The following NBEA variants were observed in gnomAD, a reference collection of about 807,000 sequenced individuals.
NBEA encodes the protein lysosomal-trafficking regulator 2.
A neutral mutation model predicts 343.4 loss-of-function variants in NBEA; 44 were observed. The ratio of observed to expected loss-of-function variants is 0.13; its 90% CI spans 0.10 to 0.16. The LOEUF (loss-of-function observed/expected upper bound fraction) is 0.16. Among genes scored for constraint, NBEA ranks in the 10% least tolerant of loss-of-function variants. The probability of loss-of-function intolerance (pLI) is 1.00; values close to 1 mark genes in which losing one functional copy is unlikely to be tolerated. For synonymous variants in NBEA, 1,175 were observed against 1,238.7 expected (o/e 0.95, Z 1.08); for missense variants, 2,555 against 3,631.3 (o/e 0.70, Z 7.62).
intron 41 of NBEA, among the ~76,000 whole-genome samples, chr13:35,525,819 C>A (rs908742637): frequency 6.6e-6 from 1 of 152,142 alleles, no homozygotes; most frequent in Non-Finnish European, 1.5e-5. Flanking sequence ...CTGCCTTATA[C>A]ATGGTGCCTT....
In NBEA at chr13:35,272,872, C is replaced by A. The variant is rs148247312; in HGVS notation, c.5777-17517C>A. Among the ~76,000 whole-genome samples, 33 of 152,208 alleles carry A rather than the reference C, an allele frequency of 2.2e-4. No homozygotes were observed. In the East Asian group the frequency reaches 6.0e-3, roughly 28 times the overall value. On this transcript the variant is annotated intron_variant, in intron 34 of 58. Coordinates refer to ENST00000379939, the MANE Select transcript of NBEA (RefSeq NM_001385012.1). ...CATAAAACAAGTTCTTAGAGACCTG[C>A]AAAGAGACTTAGACTCCCACACAAT...
intron 51 of NBEA, among the ~76,000 whole-genome samples, chr13:35,647,857 G>A (rs902022097): frequency 5.9e-5 from 9 of 151,918 alleles, no homozygotes; most frequent in African/African-American, 1.2e-4. Flanking sequence ...GAGTCACCAC[G>A]CCCGACCTAA....
chr13:35,398,826 G>C (rs1488546994), intron 38 of NBEA, among the ~76,000 whole-genome samples: 1 of 151,960 alleles, frequency 6.6e-6, no homozygotes, highest in African/African-American at 2.4e-5. Flanking sequence ...GTTGTCAGCT[G>C]CATTAGCCCC....
intron 38 of NBEA, among the ~76,000 whole-genome samples, chr13:35,407,241 AG>A (rs1391472580): frequency 1.3e-5 from 2 of 151,968 alleles, no homozygotes; most frequent in African/African-American, 4.8e-5. Context: ...CTGGGATTAC[AG>A]GCATGAACCA....
chr13:35,441,979 TCACTAGC>T (rs1277658611), intron 39 of NBEA, among the ~76,000 whole-genome samples: 1 of 152,150 alleles, frequency 6.6e-6, no homozygotes, highest in Non-Finnish European at 1.5e-5. Flanking sequence ...ATTCTGCTGC[TCACTAGC>T]CATCTACCCG....
At chr13:35,651,543 C>A (rs1165398095) in intron 52 of NBEA, among the ~76,000 whole-genome samples, 2 of 152,072 alleles carry the variant, frequency 1.3e-5, no homozygotes, top group African/African-American at 4.8e-5. Context: ...ATGTTACAAT[C>A]TTCTATTTAT....
Position 35,155,647 on chromosome 13 carries a change from T to G in NBEA, c.2446-127T>G, listed in dbSNP as rs144721159. The G allele has an allele frequency of 2.1e-3, 1,456 of 678,816 alleles. 21 individuals are homozygous for G. The African/African-American group carries it at 0.023, about 11-fold the overall frequency. 42.0% of individuals were successfully genotyped at this position (678,816 alleles called of 1,614,324 possible). On this transcript the variant is annotated intron_variant, in intron 18 of 58. Coordinates refer to ENST00000379939, the MANE Select transcript of NBEA (RefSeq NM_001385012.1). ...GAAAGAAAGAAAGAAAAAAGTCCCT[T>G]TAGAAGAGATGTTTCTTTTGGTTTG...
At chr13:35,272,794 C>T (rs893987799) in intron 34 of NBEA, among the ~76,000 whole-genome samples, 29 of 151,664 alleles carry the variant, frequency 1.9e-4, no homozygotes, top group Admixed American at 1.2e-3. Context: ...ATCAATTCAA[C>T]AAGAGCTAAC....
intron 1 of NBEA, among the ~76,000 whole-genome samples, chr13:34,997,120 A>T (rs2060968579): frequency 6.6e-6 from 1 of 152,122 alleles, no homozygotes; most frequent in South Asian, 2.1e-4. Context: ...TTATACTGTT[A>T]TTTCTATTAA....
chr13:35,113,253 G>T (rs563691095), intron 13 of NBEA, among the ~76,000 whole-genome samples: 46 of 152,024 alleles, frequency 3.0e-4, no homozygotes, highest in Admixed American at 2.9e-3. Context: ...TATTGTATCT[G>T]TCTCCTTGTA....
chr13:35,204,297 T>C (rs1273389143), intron 31 of NBEA, among the ~76,000 whole-genome samples: 1 of 152,090 alleles, frequency 6.6e-6, no homozygotes, highest in East Asian at 1.9e-4. Context: ...GATAAAGACA[T>C]ACCGAAGCCT....
chr13:35,529,699 T>C (rs1006348593), intron 41 of NBEA, among the ~76,000 whole-genome samples: 27 of 152,204 alleles, frequency 1.8e-4, no homozygotes, highest in African/African-American at 6.5e-4. Context: ...TATTACAACC[T>C]TTCACTCTTT....
At chr13:35,241,881 G>A (rs187208561) in intron 34 of NBEA, among the ~76,000 whole-genome samples, 1 of 151,942 alleles carries the variant, frequency 6.6e-6, no homozygotes, top group East Asian at 1.9e-4. Flanking sequence ...TGAGGAAATT[G>A]CTCAGTTCCC....
chr13:35,452,388 A>G (rs1455332459), intron 40 of NBEA, among the ~76,000 whole-genome samples, 153 bp downstream of exon 40: 1 of 152,242 alleles, frequency 6.6e-6, no homozygotes, highest in Non-Finnish European at 1.5e-5. Flanking sequence ...CATTTCTAAT[A>G]TTGAAGAGAG....
chr13:35,276,002 AT>A (rs2034557163), intron 34 of NBEA, among the ~76,000 whole-genome samples: 1 of 152,032 alleles, frequency 6.6e-6, no homozygotes, highest in South Asian at 2.1e-4. Flanking sequence ...AAGTATAATA[AT>A]TTAAAAAAAG....
At chr13:35,141,072 TTAAA>T (rs1191520233) in intron 17 of NBEA, among the ~76,000 whole-genome samples, 2 of 152,076 alleles carry the variant, frequency 1.3e-5, no homozygotes, top group African/African-American at 2.4e-5. Flanking sequence ...TAGAACTCAG[TTAAA>T]TAGTCACACT....
chr13:35,533,641 TAC>T (rs1366043361), intron 41 of NBEA, among the ~76,000 whole-genome samples: 2 of 152,230 alleles, frequency 1.3e-5, no homozygotes, highest in Non-Finnish European at 2.9e-5. Context: ...TTACTTATAA[TAC>T]AGTTAGCTAA....
intron 1 of NBEA, among the ~76,000 whole-genome samples, chr13:34,949,249 G>A (rs187230341): frequency 1.3e-5 from 2 of 152,280 alleles, no homozygotes; most frequent in African/African-American, 4.8e-5. Context: ...TGACGGTTAA[G>A]GGGATAAGAG....
chr13:35,172,672 C>G (rs1363547352), intron 26 of NBEA, among the ~76,000 whole-genome samples: 1 of 152,026 alleles, frequency 6.6e-6, no homozygotes, highest in Non-Finnish European at 1.5e-5. Flanking sequence ...ATTTACTGTT[C>G]TAAGCACTTT....
Sources: gnomAD v4.1 joint callset for allele counts (sites outside exome capture counted in the v4.1 genomes callset) on GRCh38, gnomAD v4.1.1 for gene constraint, MANE v1.5 for transcripts, NCBI Gene and HGNC (gene_info 2026-07-23, HGNC 2026-07-21) for gene names.